Variants in PCSK5 observed in about 807,000 individuals in gnomAD.
PCSK5 encodes prohormone convertase 5.
PCSK5 carries 129 observed loss-of-function variants against 233.2 expected under a neutral mutation model. The ratio of observed to expected loss-of-function variants is 0.55; its 90% CI spans 0.48 to 0.64. The LOEUF (loss-of-function observed/expected upper bound fraction) is 0.64, where lower values mean the gene tolerates loss of function less well. Ranked by LOEUF, PCSK5 falls within the 30% of genes least tolerant of loss-of-function variation. The pLI, the probability that PCSK5 is intolerant of heterozygous loss-of-function variation, is 0.00. For synonymous variants in PCSK5, 825 were observed against 879.2 expected, an observed-to-expected ratio of 0.94 and a Z score of 1.09; for missense variants, 2,076 against 2,430.1, an observed-to-expected ratio of 0.85 and a Z score of 3.06.
In PCSK5 at chr9:76,211,031, C is replaced by A. The variant is rs1446403739; in HGVS notation, c.2627-16472C>A. On this transcript the variant is annotated intron_variant, in intron 20 of 37. Transcript: ENST00000674117. ...GGCTAAAGTGGTAAGGCTTGTTGAACATGGTAATTTGGAGATACCTGTAAA... is the reference window on the plus strand; with the variant it reads ...GGCTAAAGTGGTAAGGCTTGTTGAAAATGGTAATTTGGAGATACCTGTAAA... Among the ~76,000 whole-genome samples the A allele has an allele frequency of 1.3e-5, 2 of 152,140 alleles. 1 individual carries two copies. The highest frequency in any genetic ancestry group is 4.8e-5 in the African/African-American group (2 of 41,426).
At chr9:76,057,523 A>G (rs1829863784) in intron 5 of PCSK5, among the ~76,000 whole-genome samples, 1 of 152,236 alleles carries the variant, frequency 6.6e-6, no homozygotes, top group South Asian at 2.1e-4. Flanking sequence ...ATGCATATGT[A>G]TCAGCAGCAG....
At chr9:75,921,774 A>C (rs1203676364) in intron 1 of PCSK5, among the ~76,000 whole-genome samples, 1 of 152,228 alleles carries the variant, frequency 6.6e-6, no homozygotes, top group Non-Finnish European at 1.5e-5. Context: ...GGGTTATTTT[A>C]TATTAAGGAT....
chr9:76,284,708 T>G (rs1001348772), intron 24 of PCSK5, among the ~76,000 whole-genome samples: 3 of 151,908 alleles, frequency 2.0e-5, no homozygotes, highest in African/African-American at 7.3e-5. Flanking sequence ...AATTTTGTAT[T>G]TTTAGTAGAG....
At chr9:76,130,867 G>A (rs911048779) in intron 9 of PCSK5, among the ~76,000 whole-genome samples, 2 of 152,048 alleles carry the variant, frequency 1.3e-5, no homozygotes, top group African/African-American at 2.4e-5. Flanking sequence ...CGGTGGTCAC[G>A]AGACTCAGGA....
intron 22 of PCSK5, among the ~76,000 whole-genome samples, chr9:76,236,033 G>C (rs1450220980): frequency 6.6e-6 from 1 of 152,186 alleles, no homozygotes; most frequent in African/African-American, 2.4e-5. Context: ...CTTCATTAAG[G>C]TTTAGGTATG....
At chr9:75,990,724 G>A (rs533428906) in intron 3 of PCSK5, among the ~76,000 whole-genome samples, 1 of 152,312 alleles carries the variant, frequency 6.6e-6, no homozygotes, top group Middle Eastern at 3.4e-3. Context: ...GTTTCTCTGG[G>A]ATCACGTGCA....
At chr9:75,996,740 T>C (rs1827035936) in intron 3 of PCSK5, among the ~76,000 whole-genome samples, 2 of 152,116 alleles carry the variant, frequency 1.3e-5, no homozygotes, top group Admixed American at 1.3e-4. Flanking sequence ...AGCTTTGCTT[T>C]CAAAGAGTAA....
At chr9:76,085,545 C>A (rs1345328900) in intron 7 of PCSK5, among the ~76,000 whole-genome samples, 1 of 152,118 alleles carries the variant, frequency 6.6e-6, no homozygotes, top group Non-Finnish European at 1.5e-5. Flanking sequence ...TCTTTAAGGA[C>A]CCAAAAATAG....
chr9:75,900,903 A>G (rs1024012986), intron 1 of PCSK5, among the ~76,000 whole-genome samples: 3 of 152,026 alleles, frequency 2.0e-5, no homozygotes, highest in East Asian at 3.9e-4. Context: ...TGCCTCATTC[A>G]TGATTGTATC....
intron 3 of PCSK5, among the ~76,000 whole-genome samples, chr9:75,996,477 A>T (rs563698755): frequency 1.3e-5 from 2 of 152,294 alleles, no homozygotes; most frequent in East Asian, 3.9e-4. Context: ...CTTGCTAATT[A>T]AGTTATGATA....
intron 7 of PCSK5, among the ~76,000 whole-genome samples, chr9:76,094,192 G>A (rs1045035552): frequency 6.6e-6 from 1 of 152,142 alleles, no homozygotes; most frequent in Non-Finnish European, 1.5e-5. Flanking sequence ...TGTTCCTTGA[G>A]GATTCAAGGT....
At chr9:76,072,765 C>T (rs911267834) in intron 7 of PCSK5, among the ~76,000 whole-genome samples, 2 of 152,122 alleles carry the variant, frequency 1.3e-5, no homozygotes, top group Admixed American at 6.5e-5. Context: ...GCATAGCTCC[C>T]GTGCCCCATC....
intron 24 of PCSK5, among the ~76,000 whole-genome samples, chr9:76,244,110 C>T (rs1193245309): frequency 1.3e-5 from 2 of 152,116 alleles, no homozygotes; most frequent in Non-Finnish European, 2.9e-5. Flanking sequence ...CCTGTGGTCC[C>T]AGCTACTCAG....
At chr9:76,288,033 T>C (rs2260411) in intron 24 of PCSK5, 31,888 of 152,114 alleles carry the variant, frequency 0.21, 3,467 homozygotes, top group Middle Eastern at 0.27. Context: ...AAGTATGCAT[T>C]TTCCCAGTGT....
intron 2 of PCSK5, among the ~76,000 whole-genome samples, chr9:75,957,100 A>G (rs1371834006): frequency 1.3e-5 from 2 of 152,184 alleles, no homozygotes; most frequent in African/African-American, 2.4e-5. Context: ...TCAGCGAGTT[A>G]TAAGTCAAAT....
chr9:76,087,338 A>G (rs1486329460), intron 7 of PCSK5, among the ~76,000 whole-genome samples: 2 of 152,246 alleles, frequency 1.3e-5, no homozygotes, highest in East Asian at 1.9e-4. Flanking sequence ...TATTCACACA[A>G]TAAACATAAA....
At chr9:76,343,224 G>C (rs1829884569) in intron 35 of PCSK5, among the ~76,000 whole-genome samples, 1 of 150,638 alleles carries the variant, frequency 6.6e-6, no homozygotes, top group Non-Finnish European at 1.5e-5. Flanking sequence ...GCATGCGGTG[G>C]CATGATCTTG....
At chr9:76,244,569 T>TG (rs979718595) in intron 24 of PCSK5, among the ~76,000 whole-genome samples, 1 of 151,632 alleles carries the variant, frequency 6.6e-6, no homozygotes, top group African/African-American at 2.4e-5. Flanking sequence ...TGGGGTTTTT[T>TG]TTTTTTTTTT....
chr9:75,900,164 G>T (rs1457625288), intron 1 of PCSK5, among the ~76,000 whole-genome samples: 1 of 152,104 alleles, frequency 6.6e-6, no homozygotes, highest in Non-Finnish European at 1.5e-5. Context: ...AGGATCATAG[G>T]TTTAGAATTA....
Sources: gnomAD v4.1 joint callset for allele counts (sites outside exome capture counted in the v4.1 genomes callset) on GRCh38, gnomAD v4.1.1 for gene constraint, MANE v1.5 for transcripts, NCBI Gene and HGNC (gene_info 2026-07-23, HGNC 2026-07-21) for gene names.